ABHD2: variants seen among roughly 807,000 people sequenced by gnomAD.
ABHD2 encodes the protein abhydrolase domain containing 2, acylglycerol lipase, also known as monoacylglycerol lipase ABHD2.
Under a neutral mutation model 48.1 loss-of-function variants are expected in ABHD2, and 20 were observed. The observed-to-expected ratio is 0.42, with a 90% confidence interval of 0.29 to 0.60. The LOEUF (loss-of-function observed/expected upper bound fraction) is 0.60, where lower values mean the gene tolerates loss of function less well. Among genes scored for constraint, ABHD2 ranks in the 20% least tolerant of loss-of-function variants. The pLI is 0.24. For missense variants in ABHD2, 405 were observed against 550.9 expected, an observed-to-expected ratio of 0.74 and a Z score of 2.65; for synonymous variants, 209 against 214.2, an observed-to-expected ratio of 0.98 and a Z score of 0.21.
At chr15:89,095,477 G>A (rs1596058205) in intron 1 of ABHD2, among the ~76,000 whole-genome samples, 1 of 152,196 alleles carries the variant, frequency 6.6e-6, no homozygotes, top group African/African-American at 2.4e-5. Flanking sequence ...CATGTTTGAA[G>A]TGCCACGTTT....
chr15:89,044,377 T>C, the ABHD2 span, among the ~76,000 whole-genome samples: 1 of 152,202 alleles, frequency 6.6e-6, no homozygotes, highest in Non-Finnish European at 1.5e-5. Context: ...TGTGCATGTG[T>C]CTTTATAGCA....
intron 3 of ABHD2, among the ~76,000 whole-genome samples, chr15:89,138,552 T>G (rs1446967216): frequency 6.6e-6 from 1 of 152,226 alleles, no homozygotes; most frequent in Non-Finnish European, 1.5e-5. Context: ...CCCCCAGATG[T>G]ATCTTCTGCA....
the ABHD2 span, among the ~76,000 whole-genome samples, chr15:89,071,531 G>C: frequency 6.6e-6 from 1 of 152,206 alleles, no homozygotes; most frequent in Non-Finnish European, 1.5e-5. Context: ...ACAGCATGCA[G>C]TTTATACAGT....
intron 3 of ABHD2, among the ~76,000 whole-genome samples, chr15:89,148,331 A>G (rs2050532213): frequency 6.6e-6 from 1 of 152,176 alleles, no homozygotes; most frequent in Non-Finnish European, 1.5e-5. Flanking sequence ...GCGAAATGCA[A>G]ATTCAAACAA....
Position 89,113,207 on chromosome 15 carries a change from C to G in ABHD2, c.-106-518C>G, listed in dbSNP as rs556064913. Among the ~76,000 whole-genome samples, 9 of 152,310 alleles carry G rather than the reference C, an allele frequency of 5.9e-5. No individual in the cohort carries two copies. In the East Asian group the frequency reaches 1.7e-3, roughly 29 times the overall value. On this transcript the variant is annotated intron_variant, in intron 1 of 10. Transcript: ENST00000352732. ...CTCAGACCCTACAAGCAATGCAATC[C>G]CCTACCTTTTGCTTTTGGCCCTGTT... is the stretch of plus-strand genomic sequence containing the variant.
intron 5 of ABHD2, among the ~76,000 whole-genome samples, chr15:89,159,826 GT>G (rs66532831): frequency 0.12 from 18,202 of 152,140 alleles, 1,199 homozygotes; most frequent in South Asian, 0.19. Flanking sequence ...AATTTCTGTA[GT>G]TTATTATACT....
At chr15:89,089,088 C>G (rs578036329) in intron 1 of ABHD2, among the ~76,000 whole-genome samples, 1 of 152,376 alleles carries the variant, frequency 6.6e-6, no homozygotes, top group South Asian at 2.1e-4. Flanking sequence ...AGTTCGGCCC[C>G]GCGACCGGCA....
chr15:89,117,166 C>T lies in ABHD2; in HGVS notation c.194+645C>T, dbSNP rs915901599. 3.9e-5 allele frequency among the ~76,000 whole-genome samples: 6 copies of T among 152,294 alleles called. No individual in the cohort carries two copies. The South Asian group carries it at 1.2e-3, about 32-fold the overall frequency. ...TCAGCCTCTGGAGTAGCTGGAATTACAGGTGTGCTCCACCATGCCCGGCTA... is the reference window on the plus strand; with the variant it reads ...TCAGCCTCTGGAGTAGCTGGAATTATAGGTGTGCTCCACCATGCCCGGCTA... On this transcript the variant is annotated intron_variant, in intron 3 of 10. Coordinates refer to ENST00000352732, the MANE Select transcript of ABHD2 (RefSeq NM_152924.5).
In ABHD2 at chr15:89,182,700, G is replaced by A. The variant is rs910436266; in HGVS notation, c.723-2724G>A. 6.6e-5 allele frequency among the ~76,000 whole-genome samples: 10 copies of A among 152,162 alleles called. No individual in the cohort carries two copies. The highest frequency in any genetic ancestry group is 1.9e-4 in the African/African-American group (8 of 41,420). ...CCCAGCTACTCGGGAGTCTGAAGCA[G>A]GAGAATCGCTTGAACCCAGGAGGTG... is the stretch of plus-strand genomic sequence containing the variant. On this transcript the variant is annotated intron_variant, in intron 6 of 10. Transcript: ENST00000352732. This position sits in a 1 kb window ranked among gnomAD's most constrained non-coding sequence, Gnocchi z 4.8.
chr15:89,055,323 C>CTTTTT, the ABHD2 span, among the ~76,000 whole-genome samples: 11 of 124,774 alleles, frequency 8.8e-5, no homozygotes, highest in Admixed American at 1.7e-4. Flanking sequence ...ACACTAGTTT[C>CTTTTT]TTTTTTTTTT....
chr15:89,133,834 ATTTTTTTT>A (rs71464448), intron 3 of ABHD2, among the ~76,000 whole-genome samples: 3 of 123,772 alleles, frequency 2.4e-5, no homozygotes, highest in African/African-American at 9.2e-5. Flanking sequence ...GCCATGCATA[ATTTTTTTT>A]TTTTTTTTTT....
At position 89,097,647 on chromosome 15, in the gene ABHD2, C is replaced by T. The variant is rs190261506; in HGVS notation, c.-107+9084C>T. Among the ~76,000 whole-genome samples the T allele has an allele frequency of 1.2e-4, 19 of 152,164 alleles. No homozygotes were observed. Among genetic ancestry groups the T allele is most frequent in the Admixed American group, 9.8e-4 (15 of 15,294 alleles). ...GTATTTGTTTACTTTTGACAGATAACGCATTCATGTGTTATAACATTCAAA... is the reference window on the plus strand; with the variant it reads ...GTATTTGTTTACTTTTGACAGATAATGCATTCATGTGTTATAACATTCAAA... On this transcript the variant is annotated intron_variant, in intron 1 of 10. Transcript: ENST00000352732. This position sits in a 1 kb window ranked among gnomAD's most constrained non-coding sequence, Gnocchi z 4.2.
the ABHD2 span, among the ~76,000 whole-genome samples, chr15:89,068,752 C>CAGTTTTTTTTT: frequency 7.0e-5 from 6 of 85,176 alleles, no homozygotes; most frequent in African/African-American, 2.4e-4. Context: ...GGCAAGCTTC[C>CAGTTTTTTTTT]TCTTTTTTTT....
chr15:89,136,885 C>G (rs1363417191), intron 3 of ABHD2, among the ~76,000 whole-genome samples: 2 of 152,156 alleles, frequency 1.3e-5, no homozygotes, highest in Non-Finnish European at 2.9e-5. Context: ...AAGAGCAGAC[C>G]ATTGGCATCT....
chr15:89,086,299 T>C (rs1201540047), upstream of ABHD2, among the ~76,000 whole-genome samples: 3 of 152,226 alleles, frequency 2.0e-5, no homozygotes, highest in African/African-American at 7.2e-5. Flanking sequence ...AGTGCTGGGA[T>C]TACAGGCTTG....
the ABHD2 span, among the ~76,000 whole-genome samples, chr15:89,046,068 C>G: frequency 6.9e-4 from 105 of 152,214 alleles, no homozygotes; most frequent in African/African-American, 2.4e-3. Context: ...TGAAATACGT[C>G]CCATCAGTAC....
At position 89,167,952 on chromosome 15, in the gene ABHD2, G is replaced by C. The variant is rs1044598906; in HGVS notation, c.539-7860G>C. On this transcript the variant is annotated intron_variant, in intron 5 of 10. Coordinates refer to ENST00000352732, the MANE Select transcript of ABHD2 (RefSeq NM_152924.5). The surrounding 1 kb of genome is among the most constrained non-coding windows in gnomAD (Gnocchi z 5.5). ...GCGAGTACTGTGTGCCTTTATTCCA[G>C]ACGATTCAAACTTCCTTCTTATCCA... Among the ~76,000 whole-genome samples, 25 of 152,300 alleles carry C rather than the reference G, an allele frequency of 1.6e-4. No homozygotes were observed. The highest frequency in any genetic ancestry group is 5.8e-4 in the African/African-American group (24 of 41,568).
At chr15:89,076,098 C>CTCTT in the ABHD2 span, among the ~76,000 whole-genome samples, 1 of 152,216 alleles carries the variant, frequency 6.6e-6, no homozygotes, top group Admixed American at 6.5e-5. Context: ...TGTGCTTGCT[C>CTCTT]TCTTTCTCTC....
rs1215250029 is a variant in ABHD2, at chr15:89,137,721, T to C, written c.195-13956T>C. On this transcript the variant is annotated intron_variant, in intron 3 of 10. Coordinates refer to ENST00000352732, the MANE Select transcript of ABHD2 (RefSeq NM_152924.5). This position sits in a 1 kb window ranked among gnomAD's most constrained non-coding sequence, Gnocchi z 4.8. The stretch of plus-strand genomic sequence containing the variant: ...GCTGTGGAGAAGAATTTGCCTCCAG[T>C]GAGGGGAAAATGCTGTGTTCAAAGT... 6.6e-6 allele frequency among the ~76,000 whole-genome samples: 1 copy of C among 152,140 alleles called. No homozygotes were observed. The highest frequency in any genetic ancestry group is 1.5e-5 in the Non-Finnish European group (1 of 68,012).
Sources: allele counts gnomAD v4.1 joint callset (sites outside exome capture counted in the v4.1 genomes callset), GRCh38; gene constraint gnomAD v4.1.1; non-coding constraint Gnocchi (gnomAD v3.1); transcripts MANE v1.5; gene names NCBI Gene and HGNC (gene_info 2026-07-23, HGNC 2026-07-21).